The following WDR75 variants were observed in gnomAD, a reference collection of about 807,000 sequenced individuals.
WDR75 encodes WD repeat-containing protein 75.
In WDR75, 52 loss-of-function variants were observed where a neutral mutation model predicts 106.1. The observed-to-expected ratio is 0.49, with a 90% CI of 0.39 to 0.62. The LOEUF is 0.62. WDR75 is among the 20% of genes least tolerant of loss of function. The pLI, the probability that WDR75 is intolerant of heterozygous loss-of-function variation, is 0.00. For missense variants in WDR75, 905 were observed against 970.3 expected (o/e 0.93, Z 0.89); for synonymous variants, 333 against 335.5 (o/e 0.99, Z 0.08).
At chr2:189,468,819 A>G (rs1687057338) in intron 15 of WDR75, among the ~76,000 whole-genome samples, 1 of 152,060 alleles carries the variant, frequency 6.6e-6, no homozygotes, top group Non-Finnish European at 1.5e-5. Context: ...AGTGTGTGTG[A>G]CTTTCTGATG....
intron 2 of WDR75, chr2:189,449,896 A>G: frequency 1.0e-6 from 1 of 984,250 alleles, no homozygotes; most frequent in Non-Finnish European, 1.2e-6. Flanking sequence ...CTTTCTTTAA[A>G]AATATTAAAA....
Position 189,470,313 on chromosome 2 carries a change from T to C in WDR75, c.1989+68T>C, listed in dbSNP as rs1687091487. On this transcript the variant is annotated intron_variant, in intron 17 of 20. Coordinates refer to ENST00000314761, the MANE Select transcript of WDR75 (RefSeq NM_032168.3). The stretch of plus-strand genomic sequence containing the variant: ...ATTTTAGACTAATAGCCCATGACTA[T>C]TGGTGTGAGTTTGTTTCTAGGTGAA... The C allele has an allele frequency of 3.3e-6, 5 of 1,500,654 alleles. No homozygotes were observed. In the African/African-American group the frequency reaches 4.2e-5, roughly 13 times the overall value. 93.0% of individuals were successfully genotyped at this position (1,500,654 alleles called of 1,614,324 possible).
intron 1 of WDR75, among the ~76,000 whole-genome samples, chr2:189,444,724 T>G (rs1686459284): frequency 6.6e-6 from 1 of 152,214 alleles, no homozygotes; most frequent in African/African-American, 2.4e-5. Context: ...TGTTGCCTCC[T>G]TAACTATAGC....
At chr2:189,473,837 C>T (rs1022190604) in intron 18 of WDR75, among the ~76,000 whole-genome samples, 2 of 152,212 alleles carry the variant, frequency 1.3e-5, no homozygotes, top group African/African-American at 4.8e-5. Flanking sequence ...TCAGCCTGCT[C>T]TCCAGTTTCC....
intron 12 of WDR75, 121 bp from the exon 13 acceptor site, chr2:189,466,304 A>G (rs1012018710): frequency 2.3e-5 from 25 of 1,073,484 alleles, no homozygotes; most frequent in African/African-American, 3.2e-5. Flanking sequence ...TTGTCATTCT[A>G]CGTGATTATC....
At chr2:189,464,090 G>A (rs899897214) in intron 11 of WDR75, 129 bp downstream of exon 11, 13 of 786,418 alleles carry the variant, frequency 1.7e-5, no homozygotes, top group East Asian at 1.6e-4. Context: ...AGTATTATCC[G>A]TGGTTACTTA....
intron 19 of WDR75, 149 bp from the exon 20 acceptor site, chr2:189,474,568 T>A: frequency 1.2e-6 from 1 of 848,982 alleles, no homozygotes; most frequent in Non-Finnish European, 1.8e-6. Flanking sequence ...AATGTATTTT[T>A]CTTTGGTTTG....
intron 20 of WDR75, 115 bp downstream of exon 20, chr2:189,474,923 A>C (rs1305041185): frequency 4.4e-6 from 4 of 899,976 alleles, no homozygotes; most frequent in Non-Finnish European, 6.9e-6. Context: ...CATAAGTTTT[A>C]AAATAGATTT....
Position 189,441,537 on chromosome 2 carries a change from C to T in WDR75, c.45C>T (p.Ser15=), listed in dbSNP as rs1194922779. 1.3e-6 allele frequency: 2 copies of T among 1,564,674 alleles called. No homozygotes were observed. Among genetic ancestry groups the T allele is most frequent in the South Asian group, 1.2e-5 (1 of 85,044 alleles). ...ENIRVVRCGG[S]ELNFRRAVFS... ...TCCGCGTGGTTCGTTGTGGCGGCAG[C>T]GAGTTGAACTTTAGGAGAGCTGTGT... Residue 15 remains serine (S), a synonymous_variant, in exon 1 of 21, where the codon AGC becomes AGT. Transcript: ENST00000314761.
intron 2 of WDR75, 153 bp downstream of exon 2, chr2:189,448,661 G>A: frequency 2.2e-6 from 2 of 928,128 alleles, no homozygotes; most frequent in Non-Finnish European, 3.4e-6. Context: ...AAATTACATT[G>A]CCTATAGCAT....
At chr2:189,452,206 A>G (rs1686637760) in intron 4 of WDR75, among the ~76,000 whole-genome samples, 1 of 152,180 alleles carries the variant, frequency 6.6e-6, no homozygotes, top group Admixed American at 6.5e-5. Flanking sequence ...CATCACTATC[A>G]TTTATCTATC....
intron 2 of WDR75, chr2:189,450,000 A>T: frequency 1.0e-6 from 1 of 985,408 alleles, no homozygotes; most frequent in Non-Finnish European, 1.2e-6. Flanking sequence ...GTACACTGGG[A>T]CAAAAGTAAG....
chr2:189,470,370 A>T (rs1049695023), intron 17 of WDR75, 125 bp downstream of exon 17: 5 of 1,015,824 alleles, frequency 4.9e-6, no homozygotes, highest in Admixed American at 2.6e-5. Context: ...TTCCCAAAAA[A>T]TTGTCTAATA....
At chr2:189,448,693 A>G in intron 2 of WDR75, 185 bp downstream of exon 2, 1 of 760,832 alleles carries the variant, frequency 1.3e-6, no homozygotes, top group Non-Finnish European at 2.3e-6. Flanking sequence ...CATTTGTTCC[A>G]CAGAATGCTA....
chr2:189,441,853 G>A (rs1686374274), intron 1 of WDR75, among the ~76,000 whole-genome samples: 1 of 152,176 alleles, frequency 6.6e-6, no homozygotes, highest in Admixed American at 6.5e-5. Context: ...GTGTTCGGGC[G>A]GCTGGAAAAT....
Position 189,444,010 on chromosome 2 carries a change from G to C in WDR75, c.86+2432G>C, listed in dbSNP as rs145576770. Among the ~76,000 whole-genome samples the C allele has an allele frequency of 6.4e-3, 981 of 152,224 alleles. 3 individuals carry two copies. The highest frequency in any genetic ancestry group is 0.011 in the Non-Finnish European group (736 of 68,012). On this transcript the variant is annotated intron_variant, in intron 1 of 20. Transcript: ENST00000314761. ...TCAGTTCGGGGTTATTAACTCTAAG[G>C]TACCTGTAAAACAACCAGGTGGATA... is the stretch of plus-strand genomic sequence containing the variant.
intron 1 of WDR75, among the ~76,000 whole-genome samples, chr2:189,443,350 G>T (rs1372447489): frequency 6.6e-6 from 1 of 152,220 alleles, no homozygotes; most frequent in African/African-American, 2.4e-5. Flanking sequence ...AGTGATTTCT[G>T]TTGAACAGGC....
At chr2:189,458,913 T>TA (rs1304887326) in intron 7 of WDR75, 41 bp downstream of exon 7, 1 of 1,563,468 alleles carries the variant, frequency 6.4e-7, no homozygotes, top group African/African-American at 1.4e-5. Flanking sequence ...ATTTATGTAC[T>TA]ATTTTACGTT....
At chr2:189,454,197 G>A (rs537965419) in intron 4 of WDR75, among the ~76,000 whole-genome samples, 43 of 152,298 alleles carry the variant, frequency 2.8e-4, no homozygotes, top group African/African-American at 7.5e-4. Context: ...AAGGGAGGCC[G>A]GTGGAAGTGA....
Sources: gnomAD v4.1 joint callset for allele counts (sites outside exome capture counted in the v4.1 genomes callset) on GRCh38, gnomAD v4.1.1 for gene constraint, MANE v1.5 for transcripts, NCBI Gene and HGNC (gene_info 2026-07-23, HGNC 2026-07-21) for gene names.